FIBCD1: variants seen among roughly 807,000 people sequenced by gnomAD.
FIBCD1 encodes the protein fibrinogen C domain-containing protein 1.
FIBCD1 carries 47 observed loss-of-function variants against 45.1 expected under a neutral mutation model. The ratio of observed to expected loss-of-function variants is 1.04; its 90% CI spans 0.82 to 1.33. The LOEUF (loss-of-function observed/expected upper bound fraction) is 1.33. FIBCD1 is among the 40% of genes most tolerant of loss of function. The pLI is 0.00. For synonymous variants in FIBCD1, 313 were observed against 308.1 expected (o/e 1.02, Z -0.17); for missense variants, 653 against 682.2 (o/e 0.96, Z 0.48).
chr9:130,913,538 G>A (rs755253591), intron 4 of FIBCD1, among the ~76,000 whole-genome samples: 29 of 152,248 alleles, frequency 1.9e-4, no homozygotes, highest in Non-Finnish European at 3.2e-4. Flanking sequence ...TCAGGGAGCT[G>A]GAGGGAGATG....
At chr9:130,907,725 CCT>C (rs1332388519) in intron 5 of FIBCD1, among the ~76,000 whole-genome samples, 6 of 152,006 alleles carry the variant, frequency 3.9e-5, no homozygotes, top group Non-Finnish European at 7.4e-5. Flanking sequence ...TGGTGAAACC[CCT>C]GTCTGTACTG....
chr9:130,919,790 G>A (rs1832227592), intron 4 of FIBCD1, among the ~76,000 whole-genome samples: 1 of 152,224 alleles, frequency 6.6e-6, no homozygotes, highest in South Asian at 2.1e-4. Flanking sequence ...TGGGAGCGGA[G>A]CAGGTAGGTA....
At position 130,905,216 on chromosome 9, in the gene FIBCD1, C is replaced by CCA. The variant is rs760787778; in HGVS notation, c.1126+16_1126+17dup. On this transcript the variant is annotated intron_variant, in intron 6 of 6. Coordinates refer to ENST00000372338, the MANE Select transcript of FIBCD1 (RefSeq NM_032843.5). ...AGGCCGCCCCCCTTCCCCATCCCTG[C>CCA]CACAGCTGGAGCCTCACCTGCAGTG... 1 of 1,601,540 alleles carries CCA rather than the reference C, an allele frequency of 6.2e-7. No individual in the cohort carries two copies. The highest frequency in any genetic ancestry group is 1.1e-5 in the South Asian group (1 of 90,064).
rs555354988 is a variant in FIBCD1 at position 130,914,601 on chromosome 9, T to C, written c.850-2713A>G. 3.4e-4 allele frequency among the ~76,000 whole-genome samples: 51 copies of C among 152,208 alleles called. 1 individual carries two copies. Among genetic ancestry groups the C allele is most frequent in the Non-Finnish European group, 6.8e-4 (46 of 68,026 alleles). ...CCAACCAGGGGCAGGTGAGCTGATG[T>C]ACAGGTGCCCAGCTGTGCCTCTTCC... On this transcript the variant is annotated intron_variant, in intron 4 of 6. Coordinates refer to ENST00000372338, the MANE Select transcript of FIBCD1 (RefSeq NM_032843.5).
At chr9:130,920,598 C>T (rs1357022185) in intron 4 of FIBCD1, among the ~76,000 whole-genome samples, 4 of 152,116 alleles carry the variant, frequency 2.6e-5, no homozygotes, top group Non-Finnish European at 4.4e-5. Flanking sequence ...GGTCCCTGCC[C>T]CTGGGACTCC....
At position 130,930,483 on chromosome 9, in the gene FIBCD1, T is replaced by C. The variant is rs1024891673; in HGVS notation, c.73-437A>G. On this transcript the variant is annotated intron_variant, in intron 1 of 6. Coordinates refer to ENST00000372338, the MANE Select transcript of FIBCD1 (RefSeq NM_032843.5). ...GGAGACGCGGGGAGATGCAGGGAGA[T>C]GGAGACGGACAGGATGGGAAATAGA... Among the ~76,000 whole-genome samples the C allele has an allele frequency of 2.6e-4, 40 of 151,074 alleles. 1 individual carries two copies. The highest frequency in any genetic ancestry group is 2.4e-3 in the Admixed American group (36 of 15,192).
At chr9:130,934,309 GCTCA>G (rs1832486365) in intron 1 of FIBCD1, among the ~76,000 whole-genome samples, 1 of 152,202 alleles carries the variant, frequency 6.6e-6, no homozygotes. Flanking sequence ...TGGTGGCTCT[GCTCA>G]CCATTCTGGG....
Position 130,904,242 on chromosome 9 carries a change from G to C in FIBCD1, c.1208C>G (p.Ala403Gly). The change falls in exon 7 of 7, where the codon GCC becomes GGC. Residue 403 changes from alanine (A) to glycine (G), a missense_variant. Coordinates refer to ENST00000372338, the MANE Select transcript of FIBCD1 (RefSeq NM_032843.5). Reference protein sequence around the residue: ...DSDHSENNCAAFYRGAWWYRN... With the variant: ...DSDHSENNCAGFYRGAWWYRN... Reference sequence around the variant, plus strand: ...GTACCACCAGGCACCGCGGTAGAAGGCGGCACAGTTGTTCTCTGAATGGTC... The same window carrying C: ...GTACCACCAGGCACCGCGGTAGAAGCCGGCACAGTTGTTCTCTGAATGGTC... 1 of 1,613,770 alleles carries C rather than the reference G, an allele frequency of 6.2e-7. No homozygotes were observed. Among genetic ancestry groups the C allele is most frequent in the Non-Finnish European group, 8.5e-7 (1 of 1,180,004 alleles).
chr9:130,904,507 G>A (rs933892561), intron 6 of FIBCD1, among the ~76,000 whole-genome samples, 184 bp from the exon 7 acceptor site: 1 of 152,188 alleles, frequency 6.6e-6, no homozygotes, highest in African/African-American at 2.4e-5. Context: ...ACACCCGGGT[G>A]TGTCCATGCA....
rs755609942 is a variant in FIBCD1, at chr9:130,905,295, G to C, written c.1065C>G (p.Phe355Leu). Reference protein sequence around the residue: ...ARYGSFGVGLFSVDPEEDGYP... With the variant: ...ARYGSFGVGLLSVDPEEDGYP... ...ACCCGTCTTCCTCAGGGTCCACGGA[G>C]AACAAGCCCACGCCGAAGCTCCCGT... The change falls in exon 6 of 7, where the codon TTC becomes TTG. Residue 355 changes from phenylalanine to leucine, a missense_variant. Coordinates refer to ENST00000372338, the MANE Select transcript of FIBCD1 (RefSeq NM_032843.5). The C allele has an allele frequency of 6.2e-7, 1 of 1,614,058 alleles. No homozygotes were observed.
upstream of FIBCD1, among the ~76,000 whole-genome samples, chr9:130,939,915 TCCCGCCGC>T (rs1358941768): frequency 2.1e-5 from 3 of 145,246 alleles, no homozygotes; most frequent in East Asian, 6.1e-4. Context: ...CGCGCTCCCC[TCCCGCCGC>T]CCCGCCGAGC....
intron 5 of FIBCD1, among the ~76,000 whole-genome samples, chr9:130,911,113 G>C (rs573202802): frequency 1.3e-5 from 2 of 152,120 alleles, no homozygotes; most frequent in Non-Finnish European, 2.9e-5. Flanking sequence ...TGGAAGCTTT[G>C]TTCTTTCACT....
Position 130,938,590 on chromosome 9 carries a change from C to T in FIBCD1, c.18G>A (p.Trp6Ter). MVNDR[W>*]KTMGGAAQLE... is the part of the protein sequence containing the mutation. Reference sequence around the variant, plus strand: ...GTTGGGCAGCGCCGCCCATGGTCTTCCACCGGTCGTTGACCATCTTCCGGC... The same window carrying T: ...GTTGGGCAGCGCCGCCCATGGTCTTTCACCGGTCGTTGACCATCTTCCGGC... Residue 6 changes from tryptophan (W) to a stop codon, truncating the protein, a stop_gained, in exon 1 of 7, where the codon TGG becomes TGA. Coordinates refer to ENST00000372338, the MANE Select transcript of FIBCD1 (RefSeq NM_032843.5). LOFTEE classifies it high-confidence loss of function. 1 of 1,477,938 alleles carries T rather than the reference C, an allele frequency of 6.8e-7. No homozygotes were observed. The highest frequency in any genetic ancestry group is 8.9e-7 in the Non-Finnish European group (1 of 1,118,202). The allele number at this position is 1,477,938 out of a possible 1,614,324, so 91.6% of individuals were successfully genotyped here. A position where few individuals can be genotyped will look rare whatever the true frequency, so the allele number is the denominator to read the frequency against.
rs1024477565 is a variant in FIBCD1, at chr9:130,902,907, G to C, written c.*1157C>G. ...GGTGTTGGGAGGATTCAACAAGAAAGTGTCCAGGTGGTGCCTGGTCTGGTG... is the reference window on the plus strand; with the variant it reads ...GGTGTTGGGAGGATTCAACAAGAAACTGTCCAGGTGGTGCCTGGTCTGGTG... On this transcript the variant is annotated 3_prime_UTR_variant, in exon 7 of 7. Coordinates refer to ENST00000372338, the MANE Select transcript of FIBCD1 (RefSeq NM_032843.5). 2.6e-5 allele frequency: 4 copies of C among 152,694 alleles called. No individual in the cohort carries two copies. Among genetic ancestry groups the C allele is most frequent in the African/African-American group, 9.6e-5 (4 of 41,478 alleles). The allele number at this position is 152,694 out of a possible 1,614,324, so 9.5% of individuals were successfully genotyped here. A position where few individuals can be genotyped will look rare whatever the true frequency, so the allele number is the denominator to read the frequency against.
chr9:130,905,162 G>T, intron 6 of FIBCD1, 72 bp downstream of exon 6: 4 of 1,436,658 alleles, frequency 2.8e-6, no homozygotes, highest in Non-Finnish European at 2.8e-6. Context: ...ATTTTGGAGG[G>T]CAGGACCTCC....
intron 5 of FIBCD1, among the ~76,000 whole-genome samples, chr9:130,909,167 C>T (rs1564333250): frequency 6.6e-6 from 1 of 152,274 alleles, no homozygotes; most frequent in East Asian, 1.9e-4. Context: ...CCTTCTCACC[C>T]TCTCCCTCCA....
chr9:130,934,076 G>C (rs578178460), intron 1 of FIBCD1, among the ~76,000 whole-genome samples: 7 of 152,318 alleles, frequency 4.6e-5, no homozygotes, highest in East Asian at 1.9e-4. Flanking sequence ...ATCCAGCAGA[G>C]GCTTGCACAG....
intron 1 of FIBCD1, among the ~76,000 whole-genome samples, chr9:130,937,051 G>A (rs867865070): frequency 1.3e-5 from 2 of 152,056 alleles, no homozygotes; most frequent in Admixed American, 6.5e-5. Context: ...GAAATGGAGC[G>A]GCGTGGTGTG....
At chr9:130,936,998 T>C (rs534862164) in intron 1 of FIBCD1, among the ~76,000 whole-genome samples, 28 of 152,138 alleles carry the variant, frequency 1.8e-4, no homozygotes, top group Non-Finnish European at 2.9e-4. Flanking sequence ...TGTGTGTTTG[T>C]GTAAGGCTGG....
Sources: gnomAD v4.1 joint callset for allele counts (sites outside exome capture counted in the v4.1 genomes callset) on GRCh38, gnomAD v4.1.1 for gene constraint, MANE v1.5 for transcripts, NCBI Gene and HGNC (gene_info 2026-07-23, HGNC 2026-07-21) for gene names.